CCDC85C: variants seen among roughly 807,000 people sequenced by gnomAD.
CCDC85C encodes the protein coiled-coil domain containing 85C.
In CCDC85C, 18 loss-of-function variants were observed where a neutral mutation model predicts 38.3. That is an observed-to-expected ratio of 0.47 (90% CI 0.33 to 0.70). CCDC85C has a LOEUF of 0.70. CCDC85C is among the 30% of genes least tolerant of loss of function. CCDC85C has a pLI of 0.03. For synonymous variants in CCDC85C, 264 were observed against 293.8 expected, an observed-to-expected ratio of 0.90 and a Z score of 1.04; for missense variants, 566 against 621.2, an observed-to-expected ratio of 0.91 and a Z score of 0.94.
rs1213940318 is a variant in CCDC85C, at chr14:99,503,739, GC to G, written c.*11506del. 1.6e-5 allele frequency: 18 copies of G among 1,121,070 alleles called. No individual in the cohort carries two copies. In the Admixed American group the frequency reaches 4.3e-4, roughly 27 times the overall value. 69.4% of individuals were successfully genotyped at this position (1,121,070 alleles called of 1,614,324 possible). The stretch of plus-strand genomic sequence containing the variant: ...ATTGTTTCTTTTCAGATCTAAATTG[GC>G]CTTAAATCTTAACTTTAGAGCTCAT... On this transcript the variant is annotated 3_prime_UTR_variant, in exon 6 of 6. Transcript: ENST00000380243.
chr14:99,573,133 C>T (rs1044073310), intron 1 of CCDC85C, among the ~76,000 whole-genome samples: 1 of 152,230 alleles, frequency 6.6e-6, no homozygotes, highest in African/African-American at 2.4e-5. Flanking sequence ...GCTGCCTGGG[C>T]ACCGCTTCAT....
Position 99,504,092 on chromosome 14 carries a change from A to C in CCDC85C, c.*11154T>G. On this transcript the variant is annotated 3_prime_UTR_variant, in exon 6 of 6. Transcript: ENST00000380243. ...CCCTTGCAGGCAAGGCCTCTTTGAA[A>C]CACACTTGGGTTGAGGTGCTGTCAC... The C allele has an allele frequency of 2.6e-6, 1 of 387,518 alleles. No homozygotes were observed. Among genetic ancestry groups the C allele is most frequent in the Non-Finnish European group, 5.1e-6 (1 of 194,500 alleles). 24.0% of individuals were successfully genotyped at this position (387,518 alleles called of 1,614,324 possible).
Position 99,501,484 on chromosome 14 carries a change from T to C in CCDC85C, c.*13762A>G. ...CAGAGACTTTATGGACCATTTCATCTAAACCCCTCATTTTGTGTCAGAAGA... is the reference window on the plus strand; with the variant it reads ...CAGAGACTTTATGGACCATTTCATCCAAACCCCTCATTTTGTGTCAGAAGA... On this transcript the variant is annotated 3_prime_UTR_variant, in exon 6 of 6. Transcript: ENST00000380243. The C allele has an allele frequency of 9.7e-7, 1 of 1,028,948 alleles. No individual in the cohort carries two copies. The highest frequency in any genetic ancestry group is 1.5e-6 in the Non-Finnish European group (1 of 662,206). The allele number at this position is 1,028,948 out of a possible 1,614,324, so 63.7% of individuals were successfully genotyped here. A position where few individuals can be genotyped will look rare whatever the true frequency, so the allele number is the denominator to read the frequency against.
At position 99,507,343 on chromosome 14, in the gene CCDC85C, G is replaced by C. The variant is rs908439134; in HGVS notation, c.*7903C>G. 17 of 575,874 alleles carry C rather than the reference G, an allele frequency of 3.0e-5. No individual in the cohort carries two copies. Among genetic ancestry groups the C allele is most frequent in the Non-Finnish European group, 4.7e-5 (15 of 319,592 alleles). The allele number at this position is 575,874 out of a possible 1,614,324, so 35.7% of individuals were successfully genotyped here. A position where few individuals can be genotyped will look rare whatever the true frequency, so the allele number is the denominator to read the frequency against. On this transcript the variant is annotated 3_prime_UTR_variant, in exon 6 of 6. Coordinates refer to ENST00000380243, the MANE Select transcript of CCDC85C (RefSeq NM_001144995.2). ...TTTGATCCCAGCACTTTGGGAGGCG[G>C]AGGCAGGAGAATCACCTGACCCCAG... is the stretch of plus-strand genomic sequence containing the variant.
intron 1 of CCDC85C, among the ~76,000 whole-genome samples, chr14:99,562,677 C>A (rs1046446641): frequency 2.0e-5 from 3 of 152,184 alleles, no homozygotes; most frequent in East Asian, 3.9e-4. Context: ...AGGGTTCTCA[C>A]GGAAACAGAA....
rs1897284891 is a variant in CCDC85C, at chr14:99,520,324, T to C, written c.975+1809A>G. 6.6e-6 allele frequency among the ~76,000 whole-genome samples: 1 copy of C among 152,078 alleles called. No homozygotes were observed. The highest frequency in any genetic ancestry group is 2.1e-4 in the South Asian group (1 of 4,824). ...GGCTCTCCAGGCCCCAGCAAGGGCC[T>C]CTGGCCCTGGCCCCTCCACAGCAGC... is the stretch of plus-strand genomic sequence containing the variant. On this transcript the variant is annotated intron_variant, in intron 3 of 5. Transcript: ENST00000380243. This position sits in a 1 kb window ranked among gnomAD's most constrained non-coding sequence, Gnocchi z 4.1.
intron 3 of CCDC85C, among the ~76,000 whole-genome samples, chr14:99,518,871 C>T (rs899801901): frequency 6.6e-6 from 1 of 152,108 alleles, no homozygotes; most frequent in Admixed American, 6.5e-5. Context: ...TGGGTGCCAG[C>T]GAGGGCATGG....
Position 99,502,543 on chromosome 14 carries a change from A to G in CCDC85C, c.*12703T>C. 1 of 1,298,738 alleles carries G rather than the reference A, an allele frequency of 7.7e-7. No individual in the cohort carries two copies. Among genetic ancestry groups the G allele is most frequent in the South Asian group, 1.6e-5 (1 of 64,472 alleles). 80.5% of individuals were successfully genotyped at this position (1,298,738 alleles called of 1,614,324 possible). A position where few individuals can be genotyped will look rare whatever the true frequency, so the allele number is the denominator to read the frequency against. On this transcript the variant is annotated 3_prime_UTR_variant, in exon 6 of 6. Coordinates refer to ENST00000380243, the MANE Select transcript of CCDC85C (RefSeq NM_001144995.2). ...AATAGTTTCCACTTTGTCCAAACAC[A>G]TACTTTTGGTAAACTAAAAATACAC...
chr14:99,556,918 A>T (rs1898022127), intron 1 of CCDC85C, among the ~76,000 whole-genome samples: 3 of 151,940 alleles, frequency 2.0e-5, no homozygotes, highest in Non-Finnish European at 2.9e-5. Flanking sequence ...CAGAAAAAAA[A>T]AAAAGTCCAG....
chr14:99,541,580 ACT>A (rs1221900688), intron 1 of CCDC85C, among the ~76,000 whole-genome samples: 1 of 151,956 alleles, frequency 6.6e-6, no homozygotes, highest in Non-Finnish European at 1.5e-5. Flanking sequence ...AGGGGTGTCC[ACT>A]CTGCCGGTGA....
intron 1 of CCDC85C, among the ~76,000 whole-genome samples, chr14:99,551,169 C>G (rs1008810872): frequency 1.3e-5 from 2 of 152,222 alleles, no homozygotes; most frequent in African/African-American, 4.8e-5. Flanking sequence ...GATGCCCTCC[C>G]AGCCCTAACG....
rs906253565 is a variant in CCDC85C, at chr14:99,533,630, C to A, written c.867+2385G>T. On this transcript the variant is annotated intron_variant, in intron 2 of 5. Coordinates refer to ENST00000380243, the MANE Select transcript of CCDC85C (RefSeq NM_001144995.2). The surrounding 1 kb of genome is among the most constrained non-coding windows in gnomAD (Gnocchi z 4.2). ...ATCAGGATCTGATGTCGGTGCCCTG[C>A]AGACCTGGCCCACGGATGAGGATGT... Among the ~76,000 whole-genome samples the A allele has an allele frequency of 6.6e-6, 1 of 152,220 alleles. No homozygotes were observed. The highest frequency in any genetic ancestry group is 1.5e-5 in the Non-Finnish European group (1 of 68,036).
rs1428200537 is a variant in CCDC85C, at chr14:99,504,542, C to T, written c.*10704G>A. 6.6e-6 allele frequency: 1 copy of T among 152,024 alleles called. No individual in the cohort carries two copies. The highest frequency in any genetic ancestry group is 1.5e-5 in the Non-Finnish European group (1 of 68,078). 9.4% of individuals were successfully genotyped at this position (152,024 alleles called of 1,614,324 possible). On this transcript the variant is annotated 3_prime_UTR_variant, in exon 6 of 6. Transcript: ENST00000380243. Reference sequence around the variant, plus strand: ...CTTAACTCACCACAACCTCCGCCTCCTGGGTTCAAGCAATTCTCCTGCCTC... The same window carrying T: ...CTTAACTCACCACAACCTCCGCCTCTTGGGTTCAAGCAATTCTCCTGCCTC...
intron 1 of CCDC85C, among the ~76,000 whole-genome samples, chr14:99,559,451 C>A (rs547149247): frequency 6.6e-6 from 1 of 151,688 alleles, no homozygotes; most frequent in African/African-American, 2.4e-5. Flanking sequence ...CATGACATCA[C>A]TGACGAGAGA....
intron 1 of CCDC85C, among the ~76,000 whole-genome samples, chr14:99,541,291 C>T (rs1320943278): frequency 6.6e-6 from 1 of 152,222 alleles, no homozygotes; most frequent in Admixed American, 6.5e-5. Context: ...ATGCATGTGA[C>T]ACAGCACCCC....
Position 99,603,458 on chromosome 14 carries a change from C to A in CCDC85C, c.502G>T (p.Gly168Cys). ...LAATGAASGG[G>C]GGGGGAGSRS... ...GAGCCGGCGCCGCCCCCGCCGCCGC[C>A]GCCACCGCTTGCGGCCCCCGTCGCC... is the stretch of plus-strand genomic sequence containing the variant. The change falls in exon 1 of 6, where the codon GGC becomes TGC. Residue 168 changes from glycine (G) to cysteine (C), a missense_variant. Coordinates refer to ENST00000380243, the MANE Select transcript of CCDC85C (RefSeq NM_001144995.2). The surrounding 1 kb of genome is among the most constrained non-coding windows in gnomAD (Gnocchi z 7.5). The A allele has an allele frequency of 7.8e-7, 1 of 1,281,414 alleles. No homozygotes were observed. Among genetic ancestry groups the A allele is most frequent in the Non-Finnish European group, 9.8e-7 (1 of 1,019,206 alleles). The allele number at this position is 1,281,414 out of a possible 1,614,324, so 79.4% of individuals were successfully genotyped here. A position where few individuals can be genotyped will look rare whatever the true frequency, so the allele number is the denominator to read the frequency against.
In CCDC85C at chr14:99,504,638, CAG is replaced by C. The variant is rs1896928798; in HGVS notation, c.*10606_*10607del. The C allele has an allele frequency of 6.6e-6, 1 of 152,052 alleles. No individual in the cohort carries two copies. Among genetic ancestry groups the C allele is most frequent in the South Asian group, 2.1e-4 (1 of 4,820 alleles). The allele number at this position is 152,052 out of a possible 1,614,324, so 9.4% of individuals were successfully genotyped here. On this transcript the variant is annotated 3_prime_UTR_variant, in exon 6 of 6. Coordinates refer to ENST00000380243, the MANE Select transcript of CCDC85C (RefSeq NM_001144995.2). ...GCTAATTTTGTATTTTTAGTAGAGACAGGGTTTCTCCATGTTGGTCAGGCAGG... is the reference window on the plus strand; with the variant it reads ...GCTAATTTTGTATTTTTAGTAGAGACGGTTTCTCCATGTTGGTCAGGCAGG...
chr14:99,578,039 TCCC>T (rs1010065590), intron 1 of CCDC85C, among the ~76,000 whole-genome samples: 5 of 133,196 alleles, frequency 3.8e-5, no homozygotes, highest in African/African-American at 9.1e-5. Flanking sequence ...CCATCCTATA[TCCC>T]CCATCAGAGT....
chr14:99,528,309 T>C (rs531019776), intron 2 of CCDC85C, among the ~76,000 whole-genome samples: 1 of 152,290 alleles, frequency 6.6e-6, no homozygotes, highest in East Asian at 1.9e-4. Context: ...TGCCCATCAC[T>C]CTGCCCAGTG....
Sources: allele counts gnomAD v4.1 joint callset (sites outside exome capture counted in the v4.1 genomes callset), GRCh38; gene constraint gnomAD v4.1.1; non-coding constraint Gnocchi (gnomAD v3.1); transcripts MANE v1.5; gene names NCBI Gene and HGNC (gene_info 2026-07-23, HGNC 2026-07-21).